The following ZFPM2 variants were observed in gnomAD, a reference collection of about 807,000 sequenced individuals.
ZFPM2 encodes zinc finger protein, FOG family member 2.
In ZFPM2, 20 loss-of-function variants were observed where a neutral mutation model predicts 98.6. That is an observed-to-expected ratio of 0.20 (90% CI 0.14 to 0.29). The LOEUF is 0.29. Among genes scored for constraint, ZFPM2 ranks in the 10% least tolerant of loss-of-function variants. The pLI is 1.00. For synonymous variants in ZFPM2, 518 were observed against 502.7 expected (o/e 1.03, Z -0.41); for missense variants, 1,310 against 1,388.6 (o/e 0.94, Z 0.90).
At chr8:105,499,813 G>T (rs932363335) in intron 3 of ZFPM2, among the ~76,000 whole-genome samples, 3 of 152,158 alleles carry the variant, frequency 2.0e-5, no homozygotes, top group African/African-American at 7.2e-5. Flanking sequence ...TTTTGTAGGG[G>T]CAGAGGTGGA....
intron 4 of ZFPM2, among the ~76,000 whole-genome samples, chr8:105,595,545 G>T (rs1815951198): frequency 6.6e-6 from 1 of 152,104 alleles, no homozygotes; most frequent in African/African-American, 2.4e-5. Context: ...AATTGGGACT[G>T]CCAATTCCAG....
chr8:105,664,889 G>C (rs1586183274), intron 5 of ZFPM2, among the ~76,000 whole-genome samples: 1 of 152,070 alleles, frequency 6.6e-6, no homozygotes. Context: ...TCAGTGGCTT[G>C]AGTTTGCAGA....
intron 3 of ZFPM2, among the ~76,000 whole-genome samples, chr8:105,469,736 C>T (rs1215675981): frequency 6.6e-6 from 1 of 152,146 alleles, no homozygotes; most frequent in African/African-American, 2.4e-5. Flanking sequence ...AAAAATTTTA[C>T]CTGTGTTAAC....
chr8:105,368,911 A>T (rs1006449946), intron 1 of ZFPM2, among the ~76,000 whole-genome samples: 8 of 152,120 alleles, frequency 5.3e-5, no homozygotes, highest in African/African-American at 1.9e-4. Flanking sequence ...TGCAACTTTG[A>T]CCTAGGACCT....
intron 5 of ZFPM2, among the ~76,000 whole-genome samples, chr8:105,717,743 G>A (rs1308004124): frequency 6.6e-6 from 1 of 151,740 alleles, no homozygotes; most frequent in Non-Finnish European, 1.5e-5. Context: ...ATGGATCAGA[G>A]AGAAACATTT....
intron 1 of ZFPM2, among the ~76,000 whole-genome samples, chr8:105,380,930 T>G: frequency 9.3e-6 from 1 of 107,458 alleles, no homozygotes; most frequent in Non-Finnish European, 1.8e-5. Context: ...TATATTATAA[T>G]ATATATATTA....
intron 3 of ZFPM2, among the ~76,000 whole-genome samples, chr8:105,501,237 C>T (rs1813589370): frequency 6.7e-6 from 1 of 148,314 alleles, no homozygotes; most frequent in Non-Finnish European, 1.5e-5. Flanking sequence ...GGTTGCAGTG[C>T]AGTGGCGCCA....
chr8:105,790,691 G>A (rs1344295209), intron 6 of ZFPM2, among the ~76,000 whole-genome samples: 1 of 152,132 alleles, frequency 6.6e-6, no homozygotes, highest in African/African-American at 2.4e-5. Flanking sequence ...GGGCAGTATG[G>A]CCATTTTCAC....
intron 1 of ZFPM2, among the ~76,000 whole-genome samples, chr8:105,345,291 C>CAGA (rs1321848471): frequency 2.0e-5 from 3 of 152,086 alleles, no homozygotes; most frequent in African/African-American, 7.2e-5. Flanking sequence ...GGAGCTTTTT[C>CAGA]AGCATCTTTG....
chr8:105,626,870 G>A (rs1456110980), intron 4 of ZFPM2, among the ~76,000 whole-genome samples: 3 of 152,152 alleles, frequency 2.0e-5, no homozygotes, highest in African/African-American at 7.2e-5. Context: ...ATTCTCTAAT[G>A]GTATTTTTGT....
chr8:105,324,970 A>G (rs1041782074), intron 1 of ZFPM2, among the ~76,000 whole-genome samples: 1 of 151,918 alleles, frequency 6.6e-6, no homozygotes, highest in African/African-American at 2.4e-5. Flanking sequence ...TTTGTTCACT[A>G]AAAAGTATGA....
intron 1 of ZFPM2, among the ~76,000 whole-genome samples, chr8:105,406,158 T>G (rs1452222055): frequency 1.3e-5 from 2 of 152,294 alleles, no homozygotes; most frequent in African/African-American, 4.8e-5. Flanking sequence ...TTGAGTTCAT[T>G]GTAGATTCTG....
At chr8:105,377,609 A>C (rs1482297690) in intron 1 of ZFPM2, among the ~76,000 whole-genome samples, 3,344 of 45,174 alleles carry the variant, frequency 0.074, 761 homozygotes, top group Admixed American at 0.16. Context: ...TAAAAATCCA[A>C]AAAAAAAAAA....
chr8:105,541,238 A>G (rs1462161089), intron 3 of ZFPM2, among the ~76,000 whole-genome samples: 1 of 152,118 alleles, frequency 6.6e-6, no homozygotes, highest in Non-Finnish European at 1.5e-5. Flanking sequence ...ATATTATACT[A>G]TTTAATTATT....
chr8:105,735,347 A>G (rs1812043203), intron 5 of ZFPM2, among the ~76,000 whole-genome samples: 1 of 151,614 alleles, frequency 6.6e-6, no homozygotes, highest in Admixed American at 6.6e-5. Context: ...AAAATTGTGG[A>G]TACATTGTAT....
chr8:105,519,924 A>T (rs1393741294), intron 3 of ZFPM2, among the ~76,000 whole-genome samples: 2 of 152,040 alleles, frequency 1.3e-5, no homozygotes, highest in Non-Finnish European at 2.9e-5. Flanking sequence ...CACCTTCATT[A>T]TGAGAATGCC....
chr8:105,700,179 C>G (rs1811110062), intron 5 of ZFPM2, among the ~76,000 whole-genome samples: 1 of 152,134 alleles, frequency 6.6e-6, no homozygotes, highest in African/African-American at 2.4e-5. Context: ...AAAATTCAAG[C>G]CCAGCTTATT....
rs764948026 is a variant in ZFPM2 at position 105,802,908 on chromosome 8, G to A, written c.2826G>A (p.Leu942=). The change falls in exon 8 of 8, where the codon TTG becomes TTA. Residue 942 remains leucine, a synonymous_variant. Coordinates refer to ENST00000407775, the MANE Select transcript of ZFPM2 (RefSeq NM_012082.4). ...CCCACCTAGCAACCCTGCAAGGCTTGAAGGTCTTTAGTGAAGCTGCTCAGC... is the reference window on the plus strand; with the variant it reads ...CCCACCTAGCAACCCTGCAAGGCTTAAAGGTCTTTAGTGAAGCTGCTCAGC... ...FSSHLATLQG[L]KVFSEAAQLI... is the part of the protein sequence containing the mutation. 6.2e-7 allele frequency: 1 copy of A among 1,613,728 alleles called. No homozygotes were observed. Among genetic ancestry groups the A allele is most frequent in the Non-Finnish European group, 8.5e-7 (1 of 1,179,800 alleles).
chr8:105,425,052 A>C (rs1049565111), intron 2 of ZFPM2, among the ~76,000 whole-genome samples: 41 of 152,262 alleles, frequency 2.7e-4, no homozygotes, highest in African/African-American at 9.6e-4. Flanking sequence ...TCAAGTCTGC[A>C]GTACCTATGA....
Sources: gnomAD v4.1 joint callset for allele counts (sites outside exome capture counted in the v4.1 genomes callset) on GRCh38, gnomAD v4.1.1 for gene constraint, MANE v1.5 for transcripts, NCBI Gene and HGNC (gene_info 2026-07-23, HGNC 2026-07-21) for gene names.